WWC1: variants seen among roughly 807,000 people sequenced by gnomAD.
WWC1 encodes WW and C2 domain containing 1, also known as protein KIBRA.
Under a neutral mutation model 138.4 loss-of-function variants are expected in WWC1, and 55 were observed. The ratio of observed to expected loss-of-function variants is 0.40; its 90% CI spans 0.32 to 0.50. The LOEUF is 0.50. Ranked by LOEUF, WWC1 falls within the 20% of genes least tolerant of loss-of-function variation. WWC1 has a pLI of 0.72. For missense variants in WWC1, 1,226 were observed against 1,420.4 expected, an observed-to-expected ratio of 0.86 and a Z score of 2.20; for synonymous variants, 524 against 564.9, an observed-to-expected ratio of 0.93 and a Z score of 1.03.
chr5:168,460,879 C>A, intron 20 of WWC1, 137 bp downstream of exon 20: 1 of 834,520 alleles, frequency 1.2e-6, no homozygotes, highest in Non-Finnish European at 1.9e-6. Context: ...CTCTCTCAAG[C>A]ATTTGCGAAC....
At chr5:168,377,106 G>A (rs1479593255) in intron 2 of WWC1, among the ~76,000 whole-genome samples, 1 of 152,138 alleles carries the variant, frequency 6.6e-6, no homozygotes, top group Non-Finnish European at 1.5e-5. Flanking sequence ...GAACAGAATA[G>A]AGAATTTAGA....
chr5:168,339,955 C>CTGT (rs1773883591), intron 1 of WWC1, among the ~76,000 whole-genome samples: 3 of 118,050 alleles, frequency 2.5e-5, no homozygotes, highest in African/African-American at 1.1e-4. Flanking sequence ...CTCCCCCTCT[C>CTGT]CCTCTCTCTC....
intron 17 of WWC1, among the ~76,000 whole-genome samples, chr5:168,452,893 G>T (rs1582356960): frequency 3.9e-5 from 6 of 152,092 alleles, no homozygotes; most frequent in Admixed American, 3.9e-4. Flanking sequence ...ATCTAAACAT[G>T]TTGCAATATA....
chr5:168,311,178 CTCCCA>C lies in WWC1; in HGVS notation c.119+18908_119+18912del, dbSNP rs1182248159. ...TGTATGCATTGACTCCTCCCCTCCC[CTCCCA>C]GGCAGCACCTAGTGCCTCCTGCTCC... On this transcript the variant is annotated intron_variant, in intron 1 of 22. Transcript: ENST00000265293. Among the ~76,000 whole-genome samples the C allele has an allele frequency of 2.0e-5, 3 of 152,176 alleles. No individual in the cohort carries two copies. In the East Asian group the frequency reaches 5.8e-4, roughly 29 times the overall value.
chr5:168,427,987 G>A (rs1476624848), intron 11 of WWC1, 46 bp from the exon 12 acceptor site: 1 of 1,554,728 alleles, frequency 6.4e-7, no homozygotes, highest in East Asian at 2.3e-5. Flanking sequence ...AGTCGCAAAG[G>A]CAGTTTCCTG....
At chr5:168,384,285 A>G (rs1295665798) in intron 2 of WWC1, among the ~76,000 whole-genome samples, 1 of 152,216 alleles carries the variant, frequency 6.6e-6, no homozygotes, top group Admixed American at 6.5e-5. Context: ...AAGTGAACAT[A>G]TGTAAAGTTC....
intron 3 of WWC1, among the ~76,000 whole-genome samples, chr5:168,392,697 T>C (rs577266995): frequency 1.3e-5 from 2 of 152,242 alleles, no homozygotes; most frequent in East Asian, 3.9e-4. Context: ...TCTTAAATAA[T>C]AAAATAAATT....
chr5:168,414,550 C>T lies in WWC1; in HGVS notation c.1144C>T (p.Gln382Ter), dbSNP rs773023367. ...CCGGAAGCGGCTGGAAAAGGACCTG[C>T]AGGCAGCCCGGGACACCCAGAGCAA... The part of the protein sequence containing the change: ...MARKRLEKDL[Q>*]AARDTQSKAL... The change falls in exon 9 of 23, where the codon CAG (glutamine) becomes TAG (stop). Residue 382 changes from glutamine to a stop codon, truncating the protein, a stop_gained. Transcript: ENST00000265293. LOFTEE classifies it high-confidence loss of function. 2 of 1,553,822 alleles carry T rather than the reference C, an allele frequency of 1.3e-6. No individual in the cohort carries two copies. Among genetic ancestry groups the T allele is most frequent in the Admixed American group, 1.9e-5 (1 of 51,394 alleles).
intron 3 of WWC1, among the ~76,000 whole-genome samples, chr5:168,386,804 C>A (rs1478642050): frequency 6.6e-6 from 1 of 152,102 alleles, no homozygotes; most frequent in Non-Finnish European, 1.5e-5. Flanking sequence ...CGTGAGCCAC[C>A]ACGTCCAGCT....
chr5:168,464,439 C>T (rs1036268804), intron 20 of WWC1, among the ~76,000 whole-genome samples: 25 of 152,180 alleles, frequency 1.6e-4, no homozygotes, highest in Admixed American at 9.8e-4. Context: ...GGGACTTAAC[C>T]TCTGCATGCC....
At chr5:168,350,827 A>G (rs556737993) in intron 1 of WWC1, among the ~76,000 whole-genome samples, 23 of 152,282 alleles carry the variant, frequency 1.5e-4, no homozygotes, top group African/African-American at 5.3e-4. Flanking sequence ...AATTTTTGCC[A>G]ATAGAAGTAA....
intron 9 of WWC1, among the ~76,000 whole-genome samples, chr5:168,419,872 A>G (rs4976603): frequency 0.54 from 82,529 of 152,066 alleles, 24,094 homozygotes; most frequent in East Asian, 0.77. Context: ...GATATGGTCC[A>G]AAAGCCAGAG....
At chr5:168,362,105 A>G (rs977592681) in intron 1 of WWC1, among the ~76,000 whole-genome samples, 1 of 151,916 alleles carries the variant, frequency 6.6e-6, no homozygotes, top group African/African-American at 2.4e-5. Context: ...AAATAAATAA[A>G]TGAAAAACGA....
rs114448508 is a variant in WWC1 at position 168,396,535 on chromosome 5, C to A, written c.434-1189C>A. On this transcript the variant is annotated intron_variant, in intron 3 of 22. Transcript: ENST00000265293. ...TGATTAAGGACTCACAGGAGAAATA[C>A]TTCTCTGGCCTCCCGACCAAGAATA... 8.6e-3 allele frequency among the ~76,000 whole-genome samples: 1,303 copies of A among 152,272 alleles called. 21 individuals are homozygous for A. The highest frequency in any genetic ancestry group is 0.03 in the African/African-American group (1,254 of 41,558).
chr5:168,434,904 C>T (rs922172415), intron 15 of WWC1, among the ~76,000 whole-genome samples: 7 of 152,150 alleles, frequency 4.6e-5, no homozygotes, highest in African/African-American at 1.4e-4. Context: ...CCATTACAAC[C>T]GTTCCCTTGC....
chr5:168,461,322 A>G (rs191242748), intron 20 of WWC1, among the ~76,000 whole-genome samples: 1 of 152,136 alleles, frequency 6.6e-6, no homozygotes, highest in East Asian at 1.9e-4. Flanking sequence ...ACAGAGTGAG[A>G]CTCTGTCTCA....
chr5:168,296,096 G>A (rs549201618), intron 1 of WWC1, among the ~76,000 whole-genome samples: 3 of 152,282 alleles, frequency 2.0e-5, no homozygotes, highest in East Asian at 1.9e-4. Flanking sequence ...AGGGGCCAGC[G>A]TCCTGTGTAT....
chr5:168,303,041 T>G (rs1770237561), intron 1 of WWC1, among the ~76,000 whole-genome samples: 1 of 152,158 alleles, frequency 6.6e-6, no homozygotes, highest in African/African-American at 2.4e-5. Flanking sequence ...ACCAACCAAC[T>G]AATACACTGA....
rs80066272 is a variant in WWC1, at chr5:168,410,336, A to G, written c.941+341A>G. Among the ~76,000 whole-genome samples, 1,318 of 152,272 alleles carry G rather than the reference A, an allele frequency of 8.7e-3. 22 individuals are homozygous for G. Among genetic ancestry groups the G allele is most frequent in the African/African-American group, 0.031 (1,272 of 41,528 alleles). ...TTTTGGTTTGAAGGAGTACAACTGG[A>G]ATTTCAGCAACAGGCTAAAAAGATT... On this transcript the variant is annotated intron_variant, in intron 8 of 22. Coordinates refer to ENST00000265293, the MANE Select transcript of WWC1 (RefSeq NM_015238.3).
Sources: gnomAD v4.1 joint callset for allele counts (sites outside exome capture counted in the v4.1 genomes callset) on GRCh38, gnomAD v4.1.1 for gene constraint, MANE v1.5 for transcripts, NCBI Gene and HGNC (gene_info 2026-07-23, HGNC 2026-07-21) for gene names.